Variants in CNTNAP4 observed in about 807,000 individuals in gnomAD.
The protein encoded by CNTNAP4 is contactin associated protein family member 4.
In CNTNAP4, 98 loss-of-function variants were observed where a neutral mutation model predicts 148.4. The ratio of observed to expected loss-of-function variants is 0.66; its 90% CI spans 0.56 to 0.78. The LOEUF is 0.78. CNTNAP4 is among the 30% of genes least tolerant of loss of function. CNTNAP4 has a pLI of 0.00. For synonymous variants in CNTNAP4, 730 were observed against 565.1 expected, an observed-to-expected ratio of 1.29 and a Z score of -4.14; for missense variants, 1,935 against 1,565.6, an observed-to-expected ratio of 1.24 and a Z score of -3.98.
rs532639815 is a variant in CNTNAP4, at chr16:76,375,644, A to G, written c.390+20133A>G. ...GAAGTCCCCACCCCCAGGCTCCTGC[A>G]TCAGAAGTGTAGTAAATGTGAGTAG... On this transcript the variant is annotated intron_variant, in intron 3 of 23. Coordinates refer to ENST00000611870, the MANE Select transcript of CNTNAP4 (RefSeq NM_033401.5). Among the ~76,000 whole-genome samples, 19 of 152,256 alleles carry G rather than the reference A, an allele frequency of 1.2e-4. No homozygotes were observed. In the East Asian group the frequency reaches 3.3e-3, roughly 26 times the overall value.
chr16:76,521,287 A>C lies in CNTNAP4; in HGVS notation c.2513A>C (p.Asp838Ala). 1 of 1,611,710 alleles carries C rather than the reference A, an allele frequency of 6.2e-7. No homozygotes were observed. Among genetic ancestry groups the C allele is most frequent in the Non-Finnish European group, 8.5e-7 (1 of 1,179,120 alleles). Residue 838 changes from aspartate (D) to alanine (A), a missense_variant, in exon 16 of 24, where the codon GAT becomes GCT. Asp to Ala is a moderately radical substitution (Grantham distance 126). Transcript: ENST00000611870. The part of the protein sequence containing the change: ...GVFLENLGIA[D>A]FIRIELRSPT... ...TTTTTAGAGAACTTGGGGATTGCTG[A>C]TTTTATACGGATAGAGCTTCGCTGT...
chr16:76,554,719 G>T (rs181187040), intron 23 of CNTNAP4, among the ~76,000 whole-genome samples: 1 of 151,942 alleles, frequency 6.6e-6, no homozygotes, highest in East Asian at 2.0e-4. Flanking sequence ...TTGCCAGGGA[G>T]ATACAATTTT....
intron 1 of CNTNAP4, among the ~76,000 whole-genome samples, chr16:76,308,960 G>T (rs1048490843): frequency 4.6e-5 from 7 of 151,716 alleles, no homozygotes; most frequent in Non-Finnish European, 1.0e-4. Context: ...GAGTAGCTAG[G>T]ATTCCAGGCT....
intron 13 of CNTNAP4, among the ~76,000 whole-genome samples, chr16:76,494,030 G>T (rs941378674): frequency 1.4e-4 from 22 of 152,064 alleles, no homozygotes; most frequent in African/African-American, 5.3e-4. Flanking sequence ...ATTCTATGTT[G>T]CTTACATTCT....
intron 2 of CNTNAP4, among the ~76,000 whole-genome samples, chr16:76,353,589 C>T (rs1049733238): frequency 6.6e-6 from 1 of 152,082 alleles, no homozygotes; most frequent in African/African-American, 2.4e-5. Flanking sequence ...GTCCTAGTGC[C>T]TCCTAGATAA....
intron 12 of CNTNAP4, among the ~76,000 whole-genome samples, chr16:76,483,529 A>C (rs773712015): frequency 1.3e-5 from 2 of 152,196 alleles, no homozygotes; most frequent in African/African-American, 2.4e-5. Context: ...ACTGTAGCTC[A>C]CGCCTGAGCA....
intron 3 of CNTNAP4, among the ~76,000 whole-genome samples, chr16:76,421,866 T>G (rs971389615): frequency 6.6e-6 from 1 of 152,162 alleles, no homozygotes; most frequent in African/African-American, 2.4e-5. Context: ...CTGGACTGAT[T>G]TCTATATAAT....
intron 1 of CNTNAP4, among the ~76,000 whole-genome samples, chr16:76,305,470 G>A (rs1487687462): frequency 6.6e-6 from 1 of 151,916 alleles, no homozygotes; most frequent in Non-Finnish European, 1.5e-5. Context: ...TAAGTTGAGT[G>A]CTACGTAATT....
intron 21 of CNTNAP4, among the ~76,000 whole-genome samples, chr16:76,548,599 C>T (rs1488304580): frequency 2.0e-5 from 3 of 151,866 alleles, no homozygotes; most frequent in Non-Finnish European, 4.4e-5. Flanking sequence ...TTTCTTCTTT[C>T]GACAAGCAGA....
At chr16:76,381,823 G>A (rs1460410552) in intron 3 of CNTNAP4, among the ~76,000 whole-genome samples, 2 of 152,148 alleles carry the variant, frequency 1.3e-5, no homozygotes, top group African/African-American at 4.8e-5. Context: ...GACTTTGGGA[G>A]GCCAAGGTGG....
intron 1 of CNTNAP4, among the ~76,000 whole-genome samples, chr16:76,300,556 A>G (rs1438051787): frequency 6.6e-6 from 1 of 152,236 alleles, no homozygotes; most frequent in African/African-American, 2.4e-5. Flanking sequence ...ATCAAAAATT[A>G]TAAATTAAAA....
chr16:76,485,609 C>T (rs1015116232), intron 12 of CNTNAP4, among the ~76,000 whole-genome samples: 4 of 152,126 alleles, frequency 2.6e-5, no homozygotes, highest in African/African-American at 9.7e-5. Context: ...ACTGAGACTC[C>T]TGGGTTTAGT....
intron 2 of CNTNAP4, among the ~76,000 whole-genome samples, chr16:76,321,957 T>C (rs1414249130): frequency 6.6e-6 from 1 of 152,144 alleles, no homozygotes; most frequent in Non-Finnish European, 1.5e-5. Flanking sequence ...ACAACTGGTA[T>C]GAGTCTGAAA....
At chr16:76,341,261 A>T (rs1005103878) in intron 2 of CNTNAP4, among the ~76,000 whole-genome samples, 1 of 152,186 alleles carries the variant, frequency 6.6e-6, no homozygotes, top group African/African-American at 2.4e-5. Flanking sequence ...CCTTCCACCT[A>T]GCACAAATGC....
intron 2 of CNTNAP4, among the ~76,000 whole-genome samples, chr16:76,347,049 C>A (rs374184936): frequency 6.6e-6 from 1 of 151,548 alleles, no homozygotes; most frequent in African/African-American, 2.4e-5. Context: ...TCTTTTTCAT[C>A]GTATCAAAAA....
intron 3 of CNTNAP4, among the ~76,000 whole-genome samples, chr16:76,375,159 T>C (rs1597360609): frequency 6.6e-6 from 1 of 152,192 alleles, no homozygotes; most frequent in Admixed American, 6.5e-5. Context: ...CAGTGGCTCA[T>C]GCCTGTAATC....
At chr16:76,515,320 T>A (rs959254615) in intron 15 of CNTNAP4, among the ~76,000 whole-genome samples, 1 of 152,210 alleles carries the variant, frequency 6.6e-6, no homozygotes, top group Admixed American at 6.6e-5. Context: ...AACCCCAATG[T>A]GACTATATTT....
intron 3 of CNTNAP4, among the ~76,000 whole-genome samples, chr16:76,395,772 A>C (rs1294219332): frequency 6.6e-6 from 1 of 151,394 alleles, no homozygotes; most frequent in Non-Finnish European, 1.5e-5. Flanking sequence ...TCTGTCGCTC[A>C]GGCTGGAGTG....
intron 2 of CNTNAP4, among the ~76,000 whole-genome samples, chr16:76,347,842 G>A (rs112328339): frequency 2.6e-5 from 4 of 152,014 alleles, no homozygotes; most frequent in Non-Finnish European, 5.9e-5. Context: ...TGATATGGGG[G>A]TGGTTTAAGG....
Sources: gnomAD v4.1 joint callset for allele counts (sites outside exome capture counted in the v4.1 genomes callset) on GRCh38, gnomAD v4.1.1 for gene constraint, MANE v1.5 for transcripts, NCBI Gene and HGNC (gene_info 2026-07-23, HGNC 2026-07-21) for gene names.